Variants in PTPN12 observed in about 807,000 individuals in gnomAD.
The protein encoded by PTPN12 is protein tyrosine phosphatase non-receptor type 12, also known as tyrosine-protein phosphatase non-receptor type 12.
A neutral mutation model predicts 97.6 loss-of-function variants in PTPN12; 29 were observed. That is an observed-to-expected ratio of 0.30 (90% CI 0.22 to 0.41). The LOEUF (loss-of-function observed/expected upper bound fraction) is 0.41. PTPN12 is among the 10% of genes least tolerant of loss of function. The probability of loss-of-function intolerance (pLI) is 1.00; values close to 1 mark genes in which losing one functional copy is unlikely to be tolerated. For synonymous variants in PTPN12, 327 were observed against 300.4 expected, an observed-to-expected ratio of 1.09 and a Z score of -0.91; for missense variants, 819 against 926.0, an observed-to-expected ratio of 0.88 and a Z score of 1.50.
At chr7:77,587,311 T>C (rs1787722110) in intron 5 of PTPN12, among the ~76,000 whole-genome samples, 1 of 152,208 alleles carries the variant, frequency 6.6e-6, no homozygotes, top group African/African-American at 2.4e-5. Flanking sequence ...TGAAAACATA[T>C]TAATCTCCTT....
chr7:77,570,607 T>A (rs955539736), intron 1 of PTPN12, among the ~76,000 whole-genome samples: 1 of 152,250 alleles, frequency 6.6e-6, no homozygotes, highest in Admixed American at 6.5e-5. Context: ...TCCAATTCAA[T>A]ATGAAAGAAC....
chr7:77,564,725 G>T (rs367729647), intron 1 of PTPN12, among the ~76,000 whole-genome samples: 3 of 56,160 alleles, frequency 5.3e-5, no homozygotes, highest in Non-Finnish European at 1.2e-4. Flanking sequence ...ACTGTGTTTT[G>T]TTGTTGTTTT....
chr7:77,627,186 T>G lies in PTPN12; in HGVS notation c.1507T>G (p.Ser503Ala). 1 of 1,614,126 alleles carries G rather than the reference T, an allele frequency of 6.2e-7. No homozygotes were observed. Among genetic ancestry groups the G allele is most frequent in the Non-Finnish European group, 8.5e-7 (1 of 1,180,010 alleles). The change falls in exon 13 of 18, where the codon TCA becomes GCA. Residue 503 changes from serine to alanine, a missense_variant. By Grantham distance (99) the Ser-to-Ala change is moderately conservative. This residue lies in a region of PTPN12 where 607 missense variants were observed against 577.3 expected (regional missense o/e 1.05). Coordinates refer to ENST00000248594, the MANE Select transcript of PTPN12 (RefSeq NM_002835.4). ...TTGTGTGGACTGCAGTGTAACACAA[T>G]CAAACAAAGTTTCAGTTACTCCACC... ...NSCVDCSVTQ[S>A]NKVSVTPPEE... is the part of the protein sequence containing the mutation.
At chr7:77,619,910 T>C (rs531335767) in intron 12 of PTPN12, among the ~76,000 whole-genome samples, 7 of 152,332 alleles carry the variant, frequency 4.6e-5, no homozygotes, top group Non-Finnish European at 1.0e-4. Context: ...TCAGAACTTT[T>C]AGTAGTTCTT....
At chr7:77,538,633 G>A (rs1369310611) in intron 1 of PTPN12, 1 of 151,954 alleles carries the variant, frequency 6.6e-6, no homozygotes, top group East Asian at 1.9e-4. Flanking sequence ...AATTGCTCTA[G>A]ATACACTATT....
chr7:77,588,059 A>T (rs1048490241), intron 5 of PTPN12, among the ~76,000 whole-genome samples: 2 of 152,224 alleles, frequency 1.3e-5, no homozygotes, highest in Non-Finnish European at 2.9e-5. Flanking sequence ...CATGTAAGCA[A>T]TAAGGCTGTT....
rs1383143819 is a variant in PTPN12 at position 77,625,470 on chromosome 7, TCG to T, written c.1026-1233_1026-1232del. On this transcript the variant is annotated intron_variant, in intron 12 of 17. Transcript: ENST00000248594. Reference sequence around the variant, plus strand: ...GGTTTTGCCATATTGCCCAGGCTGCTCGCTCTCTCTCTCTCTCTCTCTCTCTC... The same window carrying T: ...GGTTTTGCCATATTGCCCAGGCTGCTCTCTCTCTCTCTCTCTCTCTCTCTC... 4.0e-3 allele frequency among the ~76,000 whole-genome samples: 180 copies of T among 45,028 alleles called. 4 individuals carry two copies. The highest frequency in any genetic ancestry group is 0.014 in the Middle Eastern group (1 of 74). The allele number at this position is 45,028 out of a possible 152,430, so 29.5% of individuals were successfully genotyped here. A position where few individuals can be genotyped will look rare whatever the true frequency, so the allele number is the denominator to read the frequency against.
rs1413223980 is a variant in PTPN12 at position 77,626,696 on chromosome 7, G to T, written c.1026-9G>T. ...CTTAAAATGCCCTTTTTAAATGTTT[G>T]TTTTTCAGTTGCCTTGTTGAAGGGG... is the stretch of plus-strand genomic sequence containing the variant. On this transcript the variant is annotated splice_polypyrimidine_tract_variant and intron_variant, in intron 12 of 17. Transcript: ENST00000248594. 3.2e-6 allele frequency: 5 copies of T among 1,579,256 alleles called. No individual in the cohort carries two copies. The highest frequency in any genetic ancestry group is 4.3e-6 in the Non-Finnish European group (5 of 1,163,804).
At chr7:77,596,867 A>G (rs1436735228) in intron 6 of PTPN12, among the ~76,000 whole-genome samples, 1 of 152,184 alleles carries the variant, frequency 6.6e-6, no homozygotes, top group Non-Finnish European at 1.5e-5. Context: ...ACAAACCTAC[A>G]TTGACAAGTC....
intron 11 of PTPN12, among the ~76,000 whole-genome samples, chr7:77,616,201 AC>A (rs570278600): frequency 7.9e-5 from 12 of 152,152 alleles, no homozygotes; most frequent in Non-Finnish European, 1.8e-4. Context: ...TCAAAATCTT[AC>A]CAATCCCTCA....
intron 4 of PTPN12, among the ~76,000 whole-genome samples, chr7:77,584,855 CG>C (rs1459810542): frequency 6.8e-6 from 1 of 147,178 alleles, no homozygotes; most frequent in Non-Finnish European, 1.5e-5. Context: ...CCAGCCTGGG[CG>C]ACAGAGCGAG....
intron 13 of PTPN12, among the ~76,000 whole-genome samples, 179 bp downstream of exon 13, chr7:77,627,854 G>A (rs79789680): frequency 6.6e-6 from 1 of 151,982 alleles, no homozygotes; most frequent in Admixed American, 6.6e-5. Context: ...TAACAATTTG[G>A]TCACATTATA....
intron 3 of PTPN12, 112 bp from the exon 4 acceptor site, chr7:77,583,443 G>T: frequency 1.5e-6 from 1 of 682,050 alleles, no homozygotes; most frequent in South Asian, 1.9e-5. Flanking sequence ...TTTGGAAATG[G>T]TTTAAGTTAA....
chr7:77,639,526 A>G lies in PTPN12; in HGVS notation c.*246A>G, dbSNP rs1241730394. The stretch of plus-strand genomic sequence containing the variant: ...CTTAACCCTGTTACACGCTGCTTGT[A>G]GACATGTTAATATAGTAATACCTTT... On this transcript the variant is annotated 3_prime_UTR_variant, in exon 18 of 18. Transcript: ENST00000248594. 2.3e-6 allele frequency: 1 copy of G among 438,366 alleles called. No homozygotes were observed. The highest frequency in any genetic ancestry group is 2.0e-5 in the African/African-American group (1 of 50,486). The allele number at this position is 438,366 out of a possible 1,614,324, so 27.2% of individuals were successfully genotyped here.
chr7:77,583,835 A>C, intron 4 of PTPN12, 185 bp downstream of exon 4: 2 of 453,818 alleles, frequency 4.4e-6, no homozygotes, highest in Non-Finnish European at 7.8e-6. Flanking sequence ...AACTAGGCTA[A>C]ATATTTTAAG....
chr7:77,581,119 C>G (rs1016762419), intron 2 of PTPN12, among the ~76,000 whole-genome samples: 1 of 152,078 alleles, frequency 6.6e-6, no homozygotes, highest in Admixed American at 6.6e-5. Flanking sequence ...GTCGCCCAGG[C>G]TAGAGTGCAG....
chr7:77,635,726 C>T, intron 14 of PTPN12, 56 bp from the exon 15 acceptor site: 6 of 1,147,592 alleles, frequency 5.2e-6, no homozygotes, highest in East Asian at 2.8e-5. Flanking sequence ...TACTTTAATG[C>T]AAAGAAATTT....
Position 77,592,240 on chromosome 7 carries a change from C to T in PTPN12, c.476C>T (p.Pro159Leu). ...LYGEDPITFA[P>L]FKISCEDEQA... ...GGAGAAGACCCCATAACGTTTGCAC[C>T]ATTTAAAATTTCTTGTGTAAGTATC... The change falls in exon 6 of 18, where the codon CCA (proline) becomes CTA (leucine). Residue 159 changes from proline to leucine, a missense_variant. Coordinates refer to ENST00000248594, the MANE Select transcript of PTPN12 (RefSeq NM_002835.4). 1 of 1,607,822 alleles carries T rather than the reference C, an allele frequency of 6.2e-7. No individual in the cohort carries two copies. The highest frequency in any genetic ancestry group is 1.7e-5 in the Admixed American group (1 of 58,580).
chr7:77,626,338 C>T (rs940434857), intron 12 of PTPN12, among the ~76,000 whole-genome samples: 11 of 152,202 alleles, frequency 7.2e-5, no homozygotes, highest in Non-Finnish European at 8.8e-5. Flanking sequence ...AGGACACTTC[C>T]ACAGTAGGAA....
Sources: gnomAD v4.1 joint callset for allele counts (sites outside exome capture counted in the v4.1 genomes callset) on GRCh38, gnomAD v4.1.1 for gene constraint, gnomAD v4.1.1 regional missense constraint, MANE v1.5 for transcripts, NCBI Gene and HGNC (gene_info 2026-07-23, HGNC 2026-07-21) for gene names.